Variants in ADHFE1 observed in about 807,000 individuals in gnomAD.
ADHFE1 encodes alcohol dehydrogenase iron containing 1.
In ADHFE1, 37 loss-of-function variants were observed where a neutral mutation model predicts 54.8. The ratio of observed to expected loss-of-function variants is 0.68; its 90% CI spans 0.52 to 0.89. The LOEUF (loss-of-function observed/expected upper bound fraction) is 0.89. Ranked by LOEUF, ADHFE1 falls within the 40% of genes least tolerant of loss-of-function variation. ADHFE1 has a pLI of 0.00. For missense variants in ADHFE1, 601 were observed against 591.2 expected (o/e 1.02, Z -0.17); for synonymous variants, 203 against 229.3 (o/e 0.89, Z 1.04).
At chr8:66,437,792 C>T (rs1805543175) in intron 1 of ADHFE1, among the ~76,000 whole-genome samples, 1 of 152,098 alleles carries the variant, frequency 6.6e-6, no homozygotes, top group South Asian at 2.1e-4. Context: ...AAAAACAGCA[C>T]CAGTGTGGTA....
At chr8:66,444,229 G>T in intron 3 of ADHFE1, 138 bp from the exon 4 acceptor site, 1 of 719,272 alleles carries the variant, frequency 1.4e-6, no homozygotes, top group Non-Finnish European at 2.4e-6. Context: ...GTGAGACCAG[G>T]TGGGAGATGA....
intron 2 of ADHFE1, among the ~76,000 whole-genome samples, chr8:66,441,100 C>T (rs981226409): frequency 6.6e-6 from 1 of 152,182 alleles, no homozygotes; most frequent in Non-Finnish European, 1.5e-5. Flanking sequence ...AGCTGATTTT[C>T]TCGAATTCTT....
Position 66,442,788 on chromosome 8 carries a change from AC to A in ADHFE1, c.98-9del, listed in dbSNP as rs1805827803. On this transcript the variant is annotated splice_polypyrimidine_tract_variant and intron_variant, in intron 2 of 13. Transcript: ENST00000396623. ...AAGACCCACTTTGATGCTAACTTTT[AC>A]ATTTCTAGCCCCTGGACTTTCACCT... 6.3e-7 allele frequency: 1 copy of A among 1,597,680 alleles called. No individual in the cohort carries two copies.
At chr8:66,457,481 A>G (rs985813393) in intron 12 of ADHFE1, among the ~76,000 whole-genome samples, 4 of 146,850 alleles carry the variant, frequency 2.7e-5, no homozygotes, top group Non-Finnish European at 4.5e-5. Context: ...CTCTCTCTCA[A>G]AAAAAAAAAA....
intron 6 of ADHFE1, 124 bp from the exon 7 acceptor site, chr8:66,447,140 T>C (rs1187731981): frequency 3.0e-6 from 2 of 665,228 alleles, no homozygotes; most frequent in East Asian, 2.8e-5. Flanking sequence ...ATATATATCA[T>C]GCAAACAAGA....
chr8:66,466,040 G>GA (rs1343129888), intron 13 of ADHFE1, among the ~76,000 whole-genome samples: 2 of 145,760 alleles, frequency 1.4e-5, no homozygotes, highest in African/African-American at 5.1e-5. Flanking sequence ...TAGTTTATCT[G>GA]TTTTTTTTTT....
chr8:66,453,294 T>C (rs927346871), intron 9 of ADHFE1, among the ~76,000 whole-genome samples: 1 of 152,176 alleles, frequency 6.6e-6, no homozygotes, highest in East Asian at 1.9e-4. Flanking sequence ...CCATTCCACA[T>C]GAAAGGAACA....
At chr8:66,454,012 A>G in intron 9 of ADHFE1, 47 bp from the exon 10 acceptor site, 2 of 1,601,948 alleles carry the variant, frequency 1.2e-6, no homozygotes, top group Non-Finnish European at 1.7e-6. Flanking sequence ...TTCTGTAGGA[A>G]TTGCCAATGT....
chr8:66,444,283 A>G, intron 3 of ADHFE1, 84 bp from the exon 4 acceptor site: 1 of 1,307,684 alleles, frequency 7.6e-7, no homozygotes. Context: ...TGCTCTAGGC[A>G]ACAAGAAACC....
At chr8:66,459,432 T>TATATATATATA (rs200118083) in intron 12 of ADHFE1, 3 of 81,708 alleles carry the variant, frequency 3.7e-5, no homozygotes, top group African/African-American at 9.9e-5. Flanking sequence ...ATATATATAT[T>TATATATATATA]TTTTTTTTTT....
intron 13 of ADHFE1, among the ~76,000 whole-genome samples, chr8:66,463,428 T>C (rs529319577): frequency 6.6e-6 from 1 of 152,354 alleles, no homozygotes; most frequent in Admixed American, 6.5e-5. Context: ...TGCTGCCTTT[T>C]TTCCTCTGAT....
chr8:66,440,043 A>G, intron 1 of ADHFE1, 119 bp from the exon 2 acceptor site: 1 of 991,850 alleles, frequency 1.0e-6, no homozygotes, highest in Non-Finnish European at 1.5e-6. Flanking sequence ...TCTGCCAAGA[A>G]CTACCAATTT....
chr8:66,440,838 C>G (rs957308380), intron 2 of ADHFE1, among the ~76,000 whole-genome samples: 1 of 152,120 alleles, frequency 6.6e-6, no homozygotes, highest in East Asian at 1.9e-4. Context: ...AAGGTCAGAT[C>G]TAAACATTAA....
chr8:66,440,387 A>C (rs1361327173), intron 2 of ADHFE1, among the ~76,000 whole-genome samples, 188 bp downstream of exon 2: 3 of 152,210 alleles, frequency 2.0e-5, no homozygotes, highest in Non-Finnish European at 4.4e-5. Flanking sequence ...TATACTACTA[A>C]TCACGTGTTT....
chr8:66,461,966 A>G (rs1231462208), intron 13 of ADHFE1, among the ~76,000 whole-genome samples: 3 of 143,140 alleles, frequency 2.1e-5, no homozygotes, highest in African/African-American at 8.1e-5. Flanking sequence ...CCAAATCACT[A>G]AAAAAATCAC....
In ADHFE1 at chr8:66,432,555, G is replaced by C; in HGVS notation, c.39G>C (p.Leu13=). ...AAARARVAYL[L]RQLQRAACQC... ...CCCGAGCCCGGGTCGCGTACTTGCT[G>C]AGGCAACTGCAACGCGCAGCGTGAG... is the stretch of plus-strand genomic sequence containing the variant. The change falls in exon 1 of 14, where the codon CTG becomes CTC. Residue 13 remains leucine, a synonymous_variant. Coordinates refer to ENST00000396623, the MANE Select transcript of ADHFE1 (RefSeq NM_144650.3). 7.4e-7 allele frequency: 1 copy of C among 1,354,946 alleles called. No individual in the cohort carries two copies. The highest frequency in any genetic ancestry group is 9.6e-7 in the Non-Finnish European group (1 of 1,044,000). The allele number at this position is 1,354,946 out of a possible 1,614,324, so 83.9% of individuals were successfully genotyped here.
chr8:66,457,704 T>G (rs1473858053), intron 12 of ADHFE1, among the ~76,000 whole-genome samples: 4 of 152,152 alleles, frequency 2.6e-5, no homozygotes, highest in Non-Finnish European at 5.9e-5. Context: ...AAAATGTCAG[T>G]GACTTGACCA....
chr8:66,432,920 A>G (rs1805278301), intron 1 of ADHFE1: 1 of 1,098,528 alleles, frequency 9.1e-7, no homozygotes, highest in African/African-American at 1.6e-5. Flanking sequence ...TTTATTGGGC[A>G]TATATTATGT....
chr8:66,445,164 G>A (rs1805964940), intron 5 of ADHFE1, 54 bp from the exon 6 acceptor site: 6 of 1,491,310 alleles, frequency 4.0e-6, no homozygotes, highest in South Asian at 1.3e-5. Flanking sequence ...TAATGGCATG[G>A]CAATTTATTT....
Sources: allele counts gnomAD v4.1 joint callset (sites outside exome capture counted in the v4.1 genomes callset), GRCh38; gene constraint gnomAD v4.1.1; transcripts MANE v1.5; gene names NCBI Gene and HGNC (gene_info 2026-07-23, HGNC 2026-07-21).